The following TSPAN9 variants were observed in gnomAD, a reference collection of about 807,000 sequenced individuals.
TSPAN9 encodes the protein tetraspanin-9.
TSPAN9 carries 16 observed loss-of-function variants against 31.0 expected under a neutral mutation model. That is an observed-to-expected ratio of 0.52 (90% confidence interval 0.35 to 0.78). TSPAN9 has a LOEUF of 0.78. Among genes scored for constraint, TSPAN9 ranks in the 30% least tolerant of loss-of-function variants. TSPAN9 has a pLI of 0.01. For missense variants in TSPAN9, 272 were observed against 312.5 expected, an observed-to-expected ratio of 0.87 and a Z score of 0.98; for synonymous variants, 145 against 121.6, an observed-to-expected ratio of 1.19 and a Z score of -1.27.
intron 2 of TSPAN9, chr12:3,200,731 A>G (rs1800047638): frequency 6.6e-6 from 1 of 152,110 alleles, no homozygotes; most frequent in South Asian, 2.1e-4. Context: ...GCCGGCCAGA[A>G]GCGGGGCGCC....
chr12:3,233,143 C>T (rs1222660713), intron 3 of TSPAN9, among the ~76,000 whole-genome samples: 2 of 152,196 alleles, frequency 1.3e-5, no homozygotes, highest in East Asian at 3.9e-4. Flanking sequence ...TCCAGGGCCA[C>T]CTGTCGTCTC....
chr12:3,196,875 A>G (rs1398594036), intron 2 of TSPAN9, among the ~76,000 whole-genome samples: 1 of 152,228 alleles, frequency 6.6e-6, no homozygotes, highest in Non-Finnish European at 1.5e-5. Context: ...TGAAGATGGA[A>G]AGATCCAGGG....
intron 3 of TSPAN9, among the ~76,000 whole-genome samples, chr12:3,220,068 C>T (rs972931740): frequency 6.6e-6 from 1 of 151,410 alleles, no homozygotes; most frequent in African/African-American, 2.4e-5. Flanking sequence ...TTGCTTGAAC[C>T]CGGGAGGCGG....
chr12:3,160,095 C>T (rs2153969365), intron 2 of TSPAN9, among the ~76,000 whole-genome samples: 1 of 152,354 alleles, frequency 6.6e-6, no homozygotes. Flanking sequence ...TCCCAACCCT[C>T]ATTCCTCCCC....
At chr12:3,160,091 C>T (rs1288372399) in intron 2 of TSPAN9, among the ~76,000 whole-genome samples, 1 of 152,224 alleles carries the variant, frequency 6.6e-6, no homozygotes, top group Non-Finnish European at 1.5e-5. Context: ...ATCCTCCCAA[C>T]CCTCATTCCT....
At chr12:3,191,192 T>C (rs913041763) in intron 2 of TSPAN9, among the ~76,000 whole-genome samples, 3 of 152,192 alleles carry the variant, frequency 2.0e-5, no homozygotes, top group South Asian at 2.1e-4. Flanking sequence ...AAGAAAGGTA[T>C]AGGAGAGGGA....
At chr12:3,177,798 TC>T (rs1205976857) in intron 2 of TSPAN9, among the ~76,000 whole-genome samples, 1 of 152,212 alleles carries the variant, frequency 6.6e-6, no homozygotes, top group Non-Finnish European at 1.5e-5. Context: ...TTTGTAATAT[TC>T]CCAAGTTTAC....
intron 2 of TSPAN9, 59 bp downstream of exon 2, chr12:3,083,778 C>T (rs933409): frequency 6.6e-6 from 1 of 152,040 alleles, no homozygotes; most frequent in Non-Finnish European, 1.5e-5. Flanking sequence ...TGTGTTATAA[C>T]CTCTGTCTGA....
chr12:3,123,190 T>G (rs7956296), intron 2 of TSPAN9, among the ~76,000 whole-genome samples: 10 of 152,120 alleles, frequency 6.6e-5, no homozygotes, highest in Admixed American at 5.9e-4. Context: ...TGTCCAGGGT[T>G]AGCTCGGGAG....
intron 3 of TSPAN9, among the ~76,000 whole-genome samples, chr12:3,217,490 G>T (rs979873147): frequency 6.6e-6 from 1 of 152,222 alleles, no homozygotes; most frequent in African/African-American, 2.4e-5. Flanking sequence ...TGCTGGGTCT[G>T]TGATGTCCAG....
chr12:3,197,757 TCAC>T (rs1555150559), intron 2 of TSPAN9, among the ~76,000 whole-genome samples: 1 of 31,008 alleles, frequency 3.2e-5, no homozygotes, highest in Non-Finnish European at 5.9e-5. Flanking sequence ...CCAGCACAGG[TCAC>T]CAGCACAGGC....
At chr12:3,137,377 C>T (rs11613410) in intron 2 of TSPAN9, among the ~76,000 whole-genome samples, 7,170 of 152,286 alleles carry the variant, frequency 0.047, 244 homozygotes, top group East Asian at 0.2. Context: ...CCCTGGAGCC[C>T]AGGCCACTGT....
chr12:3,284,709 G>A lies in TSPAN9; in HGVS notation c.*1593G>A, dbSNP rs1200043112. 1 of 152,240 alleles carries A rather than the reference G, an allele frequency of 6.6e-6. No homozygotes were observed. The highest frequency in any genetic ancestry group is 2.4e-5 in the African/African-American group (1 of 41,442). 9.4% of individuals were successfully genotyped at this position (152,240 alleles called of 1,614,324 possible). A position where few individuals can be genotyped will look rare whatever the true frequency, so the allele number is the denominator to read the frequency against. On this transcript the variant is annotated 3_prime_UTR_variant, in exon 9 of 9. Coordinates refer to ENST00000011898, the MANE Select transcript of TSPAN9 (RefSeq NM_006675.5). ...CCGTTCAAAAAGGTCGCGAATCCGTGGGACTGAGCACGGGGACCTCACCCG... is the reference window on the plus strand; with the variant it reads ...CCGTTCAAAAAGGTCGCGAATCCGTAGGACTGAGCACGGGGACCTCACCCG...
intron 3 of TSPAN9, among the ~76,000 whole-genome samples, chr12:3,217,669 A>C (rs2098382053): frequency 6.6e-6 from 1 of 151,538 alleles, no homozygotes; most frequent in African/African-American, 2.4e-5. Context: ...CAGGGACTCA[A>C]CTCCCCTGGC....
intron 4 of TSPAN9, 144 bp downstream of exon 4, chr12:3,278,756 A>G: frequency 8.4e-7 from 1 of 1,183,988 alleles, no homozygotes; most frequent in Non-Finnish European, 1.2e-6. Flanking sequence ...TCTAGGCTTG[A>G]CCACACCCCT....
chr12:3,079,773 T>G (rs1306690272), intron 1 of TSPAN9, among the ~76,000 whole-genome samples: 1 of 145,090 alleles, frequency 6.9e-6, no homozygotes, highest in Admixed American at 6.9e-5. Context: ...CTTCTTCTAT[T>G]TTTTTTTTTT....
At chr12:3,108,318 T>G (rs1402527011) in intron 2 of TSPAN9, among the ~76,000 whole-genome samples, 5 of 152,218 alleles carry the variant, frequency 3.3e-5, no homozygotes, top group African/African-American at 1.2e-4. Flanking sequence ...TCCTTGATAT[T>G]TTGGCTTGGT....
intron 3 of TSPAN9, among the ~76,000 whole-genome samples, chr12:3,255,201 G>T (rs1341026655): frequency 6.6e-6 from 1 of 152,250 alleles, no homozygotes; most frequent in Non-Finnish European, 1.5e-5. Flanking sequence ...GCCTGACTCT[G>T]TCTGTCCCGC....
At chr12:3,175,944 G>T (rs1054465784) in intron 2 of TSPAN9, among the ~76,000 whole-genome samples, 1 of 152,160 alleles carries the variant, frequency 6.6e-6, no homozygotes, top group African/African-American at 2.4e-5. Flanking sequence ...GGCTCCCAGG[G>T]CACTGCTCAG....
Sources: gnomAD v4.1 joint callset for allele counts (sites outside exome capture counted in the v4.1 genomes callset) on GRCh38, gnomAD v4.1.1 for gene constraint, MANE v1.5 for transcripts, NCBI Gene and HGNC (gene_info 2026-07-23, HGNC 2026-07-21) for gene names.